The following COL14A1 variants were observed in gnomAD, a reference collection of about 807,000 sequenced individuals.
COL14A1 encodes collagen type XIV alpha 1 chain.
A neutral mutation model predicts 230.3 loss-of-function variants in COL14A1; 136 were observed. The observed-to-expected ratio is 0.59, with a 90% CI of 0.51 to 0.68. COL14A1 has a LOEUF of 0.68. Ranked by LOEUF, COL14A1 falls within the 30% of genes least tolerant of loss-of-function variation. COL14A1 has a pLI of 0.00. For missense variants in COL14A1, 1,976 were observed against 2,215.8 expected (o/e 0.89, Z 2.17); for synonymous variants, 792 against 784.1 (o/e 1.01, Z -0.17).
chr8:120,231,358 C>T (rs1409481363), intron 18 of COL14A1, 109 bp from the exon 19 acceptor site: 2 of 1,173,046 alleles, frequency 1.7e-6, no homozygotes, highest in East Asian at 2.5e-5. Context: ...AACTATATTA[C>T]AGGGATACAT....
At chr8:120,283,556 A>C (rs1245616189) in intron 31 of COL14A1, 80 bp from the exon 32 acceptor site, 12 of 1,437,118 alleles carry the variant, frequency 8.4e-6, no homozygotes, top group Non-Finnish European at 1.0e-5. Flanking sequence ...TGTGTAATGA[A>C]AATGTATTTG....
intron 5 of COL14A1, among the ~76,000 whole-genome samples, chr8:120,178,704 G>C (rs989942686): frequency 8.5e-5 from 13 of 152,196 alleles, no homozygotes; most frequent in African/African-American, 3.1e-4. Flanking sequence ...CAGTGTAAAA[G>C]TGTTGCTATT....
chr8:120,179,234 A>T (rs1185952786), intron 5 of COL14A1, among the ~76,000 whole-genome samples: 1 of 152,214 alleles, frequency 6.6e-6, no homozygotes, highest in Non-Finnish European at 1.5e-5. Context: ...AACTAGGAAA[A>T]GAGGAAGTCA....
chr8:120,348,683 T>A (rs925474554), intron 45 of COL14A1, among the ~76,000 whole-genome samples: 13 of 151,996 alleles, frequency 8.6e-5, no homozygotes, highest in Admixed American at 2.0e-4. Context: ...TGGAAAAAAA[T>A]TTTGTTTTTT....
chr8:120,208,418 T>G (rs1817516219), intron 11 of COL14A1, 57 bp downstream of exon 11: 2 of 1,549,206 alleles, frequency 1.3e-6, no homozygotes, highest in Admixed American at 1.8e-5. Context: ...TAGGAGGCCT[T>G]TCTTAAATTG....
chr8:120,262,308 A>G (rs899970011), intron 23 of COL14A1, among the ~76,000 whole-genome samples: 1 of 152,014 alleles, frequency 6.6e-6, no homozygotes, highest in Non-Finnish European at 1.5e-5. Context: ...CTGCATCTCT[A>G]TTAAAAATAC....
At chr8:120,168,288 T>G in intron 5 of COL14A1, 41 bp downstream of exon 5, 2 of 1,424,822 alleles carry the variant, frequency 1.4e-6, no homozygotes, top group Non-Finnish European at 2.0e-6. Context: ...GGAGTTGGGT[T>G]GTTTTAATTA....
chr8:120,245,344 T>A (rs568651794), intron 20 of COL14A1, among the ~76,000 whole-genome samples: 2 of 152,216 alleles, frequency 1.3e-5, no homozygotes, highest in African/African-American at 4.8e-5. Context: ...TCATCAATAC[T>A]GTTCACCTCT....
At chr8:120,341,870 A>G (rs1052929466) in intron 43 of COL14A1, among the ~76,000 whole-genome samples, 1 of 152,142 alleles carries the variant, frequency 6.6e-6, no homozygotes, top group African/African-American at 2.4e-5. Flanking sequence ...CCTTTCAGCA[A>G]TTGTGCAGCT....
At chr8:120,144,496 C>A (rs553930597) in intron 1 of COL14A1, among the ~76,000 whole-genome samples, 4 of 152,138 alleles carry the variant, frequency 2.6e-5, no homozygotes, top group African/African-American at 9.6e-5. Flanking sequence ...GTTCAGCATC[C>A]GTTCTTGATT....
At chr8:120,277,790 A>C in intron 26 of COL14A1, 1 of 160,904 alleles carries the variant, frequency 6.2e-6, no homozygotes. Context: ...TGAAGGTTGA[A>C]AAACTGCCTA....
intron 1 of COL14A1, among the ~76,000 whole-genome samples, chr8:120,138,444 C>T (rs1480657932): frequency 1.3e-5 from 2 of 152,098 alleles, no homozygotes; most frequent in African/African-American, 4.8e-5. Context: ...TATCTAGTTT[C>T]TCTAGTATTC....
At chr8:120,180,575 G>A (rs1358682359) in intron 5 of COL14A1, among the ~76,000 whole-genome samples, 3 of 152,012 alleles carry the variant, frequency 2.0e-5, no homozygotes, top group Admixed American at 2.0e-4. Flanking sequence ...TCTCCTGGCT[G>A]TGCCTTCCTC....
intron 45 of COL14A1, among the ~76,000 whole-genome samples, chr8:120,365,952 C>A (rs537437850): frequency 1.1e-4 from 17 of 152,134 alleles, no homozygotes; most frequent in Non-Finnish European, 1.6e-4. Flanking sequence ...GAGATCATTA[C>A]GGGGAGCACA....
intron 22 of COL14A1, among the ~76,000 whole-genome samples, chr8:120,253,116 A>G (rs1819028916): frequency 6.6e-6 from 1 of 152,092 alleles, no homozygotes; most frequent in African/African-American, 2.4e-5. Flanking sequence ...AGCCTTCCTT[A>G]GTTATACCAC....
At chr8:120,364,746 C>T (rs1218919666) in intron 45 of COL14A1, among the ~76,000 whole-genome samples, 2 of 151,902 alleles carry the variant, frequency 1.3e-5, no homozygotes, top group East Asian at 1.9e-4. Context: ...AGCCAAGCGT[C>T]GTGTCACACA....
intron 25 of COL14A1, among the ~76,000 whole-genome samples, chr8:120,268,695 G>A (rs1195898014): frequency 3.3e-5 from 5 of 151,550 alleles, no homozygotes; most frequent in Non-Finnish European, 4.4e-5. Flanking sequence ...ACATTAAAAC[G>A]TAGAAAAAAC....
intron 23 of COL14A1, among the ~76,000 whole-genome samples, chr8:120,262,072 C>T (rs1195532148): frequency 6.6e-6 from 1 of 152,036 alleles, no homozygotes; most frequent in Admixed American, 6.6e-5. Context: ...GAAGGGTGGT[C>T]TGTTGGGTGG....
intron 47 of COL14A1, among the ~76,000 whole-genome samples, chr8:120,369,954 C>T (rs1392882908): frequency 1.3e-5 from 2 of 152,164 alleles, no homozygotes; most frequent in Non-Finnish European, 2.9e-5. Context: ...TCATGCATAC[C>T]ACTTGCATTT....
Sources: gnomAD v4.1 joint callset for allele counts (sites outside exome capture counted in the v4.1 genomes callset) on GRCh38, gnomAD v4.1.1 for gene constraint, MANE v1.5 for transcripts, NCBI Gene and HGNC (gene_info 2026-07-23, HGNC 2026-07-21) for gene names.